The following LY96 variants were observed in gnomAD, a reference collection of about 807,000 sequenced individuals.
The protein encoded by LY96 is myeloid differentiation protein-2.
A neutral mutation model predicts 18.9 loss-of-function variants in LY96; 18 were observed. The observed-to-expected ratio is 0.95, with a 90% CI of 0.66 to 1.41. The LOEUF (loss-of-function observed/expected upper bound fraction) is 1.41, where lower values mean the gene tolerates loss of function less well. Among genes scored for constraint, LY96 ranks in the 40% most tolerant of loss-of-function variants. The pLI is 0.00. For missense variants in LY96, 175 were observed against 182.4 expected, an observed-to-expected ratio of 0.96 and a Z score of 0.23; for synonymous variants, 66 against 62.6, an observed-to-expected ratio of 1.06 and a Z score of -0.26.
intron 3 of LY96, among the ~76,000 whole-genome samples, chr8:74,013,971 A>G (rs1329477582): frequency 6.6e-6 from 1 of 152,038 alleles, no homozygotes; most frequent in Non-Finnish European, 1.5e-5. Flanking sequence ...AGGTGGGGGT[A>G]GGCTGAGGCA....
chr8:74,087,622 A>G, the LY96 span, among the ~76,000 whole-genome samples: 4 of 152,174 alleles, frequency 2.6e-5, no homozygotes, highest in African/African-American at 9.7e-5. Context: ...CAAACATGTC[A>G]CCACTTTGCT....
chr8:73,991,678 G>A, intron 1 of LY96, 124 bp downstream of exon 1: 1 of 670,170 alleles, frequency 1.5e-6, no homozygotes, highest in East Asian at 2.8e-5. Context: ...TGCTGTGGCG[G>A]ACGCTGCCAG....
At chr8:74,087,188 A>T in the LY96 span, among the ~76,000 whole-genome samples, 1 of 152,216 alleles carries the variant, frequency 6.6e-6, no homozygotes, top group East Asian at 1.9e-4. Context: ...CTTGAGAAAC[A>T]GTTTATAGGG....
At chr8:74,029,744 C>T (rs1299223581), downstream of LY96, among the ~76,000 whole-genome samples, 1 of 152,182 alleles carries the variant, frequency 6.6e-6, no homozygotes, top group Non-Finnish European at 1.5e-5. Context: ...ACTGCAACCT[C>T]TGCCTTCCAG....
At chr8:74,092,990 CTTA>C in the LY96 span, among the ~76,000 whole-genome samples, 2 of 152,142 alleles carry the variant, frequency 1.3e-5, no homozygotes, top group African/African-American at 4.8e-5. Flanking sequence ...TTCATGGTTT[CTTA>C]TTGTTTTAGT....
At chr8:74,096,051 G>A in the LY96 span, among the ~76,000 whole-genome samples, 2 of 152,174 alleles carry the variant, frequency 1.3e-5, no homozygotes, top group Non-Finnish European at 2.9e-5. Flanking sequence ...AAGCATCCCT[G>A]ACTCCTCTCT....
At chr8:74,080,965 CTTCT>C in the LY96 span, among the ~76,000 whole-genome samples, 23 of 150,372 alleles carry the variant, frequency 1.5e-4, no homozygotes, top group Admixed American at 2.0e-4. Flanking sequence ...TGTCTTGTGC[CTTCT>C]TTCTTTCTTT....
the LY96 span, among the ~76,000 whole-genome samples, chr8:74,038,046 T>C: frequency 6.6e-6 from 1 of 152,210 alleles, no homozygotes; most frequent in African/African-American, 2.4e-5. Flanking sequence ...GGTATATATA[T>C]TTATGGTTTA....
At chr8:74,018,259 CAG>C (rs1273315617) in intron 3 of LY96, among the ~76,000 whole-genome samples, 1 of 151,784 alleles carries the variant, frequency 6.6e-6, no homozygotes, top group African/African-American at 2.4e-5. Flanking sequence ...AATAAATAAA[CAG>C]GGGTTGCAAT....
At chr8:73,996,372 C>CCTTCATTTATTTCTTTCTTTCTTT (rs1816135382) in intron 1 of LY96, among the ~76,000 whole-genome samples, 6 of 110,910 alleles carry the variant, frequency 5.4e-5, no homozygotes, top group Admixed American at 2.8e-4. Context: ...TTCCTTCATT[C>CCTTCATTTATTTCTTTCTTTCTTT]CTTTCTTTCT....
intron 1 of LY96, among the ~76,000 whole-genome samples, chr8:73,998,790 C>T (rs1156981397): frequency 6.6e-6 from 1 of 152,172 alleles, no homozygotes; most frequent in Non-Finnish European, 1.5e-5. Context: ...GCAACATTGT[C>T]TTCCAATCTA....
chr8:73,996,372 C>CCTTTCTTTCTTT (rs541600290), intron 1 of LY96, among the ~76,000 whole-genome samples: 3,372 of 110,232 alleles, frequency 0.031, 147 homozygotes, highest in East Asian at 0.072. Flanking sequence ...TTCCTTCATT[C>CCTTTCTTTCTTT]CTTTCTTTCT....
At chr8:74,080,480 G>A in the LY96 span, among the ~76,000 whole-genome samples, 6 of 152,216 alleles carry the variant, frequency 3.9e-5, no homozygotes, top group Non-Finnish European at 5.9e-5. Flanking sequence ...CCATGGCCAA[G>A]TGCATGCCCT....
chr8:74,029,062 T>G lies in LY96; in HGVS notation c.*8T>G. On this transcript the variant is annotated 3_prime_UTR_variant, in exon 5 of 5. Coordinates refer to ENST00000284818, the MANE Select transcript of LY96 (RefSeq NM_015364.5). ...CAACCTAATTCAAATTAGAATAAAT[T>G]GAGTATTTAAAAAAAAATTTAAAGG... The G allele has an allele frequency of 6.4e-7, 1 of 1,554,766 alleles. No homozygotes were observed. Among genetic ancestry groups the G allele is most frequent in the Non-Finnish European group, 8.9e-7 (1 of 1,128,712 alleles).
At chr8:74,072,020 C>A in the LY96 span, among the ~76,000 whole-genome samples, 399 of 152,152 alleles carry the variant, frequency 2.6e-3, 3 homozygotes, top group African/African-American at 9.2e-3. Context: ...CAAGCACAAA[C>A]ATTTTTGGAG....
chr8:73,998,330 G>A (rs12546552), intron 1 of LY96, among the ~76,000 whole-genome samples: 44,821 of 151,698 alleles, frequency 0.3, 6,817 homozygotes, highest in Admixed American at 0.36. Flanking sequence ...TTATATCACA[G>A]TATCACAAAT....
intron 3 of LY96, among the ~76,000 whole-genome samples, chr8:74,023,496 T>C (rs1250011974): frequency 6.6e-6 from 1 of 152,170 alleles, no homozygotes; most frequent in East Asian, 1.9e-4. Flanking sequence ...CACAGGAGCA[T>C]GGGGCATCTG....
chr8:74,067,155 T>A, the LY96 span, among the ~76,000 whole-genome samples: 1 of 152,234 alleles, frequency 6.6e-6, no homozygotes, highest in Admixed American at 6.5e-5. Flanking sequence ...TAATAAGTCT[T>A]ATCATAGGTA....
downstream of LY96, among the ~76,000 whole-genome samples, chr8:74,030,355 A>G (rs1816949671): frequency 6.6e-6 from 1 of 152,178 alleles, no homozygotes; most frequent in Non-Finnish European, 1.5e-5. Context: ...TCTTCTAAAA[A>G]TACAGAAATT....
Sources: allele counts gnomAD v4.1 joint callset (sites outside exome capture counted in the v4.1 genomes callset), GRCh38; gene constraint gnomAD v4.1.1; transcripts MANE v1.5; gene names NCBI Gene and HGNC (gene_info 2026-07-23, HGNC 2026-07-21).